The following GTF3C1 variants were observed in gnomAD, a reference collection of about 807,000 sequenced individuals.
GTF3C1 encodes the protein general transcription factor IIIC subunit 1.
In GTF3C1, 57 loss-of-function variants were observed where a neutral mutation model predicts 226.7. The observed-to-expected ratio is 0.25, with a 90% CI of 0.20 to 0.31. The LOEUF is 0.31. GTF3C1 is among the 10% of genes least tolerant of loss of function. The pLI is 1.00. For synonymous variants in GTF3C1, 1,090 were observed against 1,084.8 expected, an observed-to-expected ratio of 1.00 and a Z score of -0.09; for missense variants, 2,217 against 2,776.1, an observed-to-expected ratio of 0.80 and a Z score of 4.53.
rs982432019 is a variant in GTF3C1, at chr16:27,471,594, G to T, written c.4526+154C>A. ...TCCCCATACCACGAAGGAGGTAAGG[G>T]GCTGCAGGAAACCCAAGCCGGCATC... On this transcript the variant is annotated intron_variant, in intron 30 of 36. Coordinates refer to ENST00000356183, the MANE Select transcript of GTF3C1 (RefSeq NM_001520.4). This position sits in a 1 kb window ranked among gnomAD's most constrained non-coding sequence, Gnocchi z 5.0. 2 of 635,754 alleles carry T rather than the reference G, an allele frequency of 3.1e-6. No homozygotes were observed. Among genetic ancestry groups the T allele is most frequent in the Non-Finnish European group, 5.6e-6 (2 of 356,142 alleles). The allele number at this position is 635,754 out of a possible 1,614,324, so 39.4% of individuals were successfully genotyped here.
chr16:27,497,524 G>A (rs776295939), intron 14 of GTF3C1, 113 bp downstream of exon 14: 7 of 804,814 alleles, frequency 8.7e-6, no homozygotes, highest in Non-Finnish European at 1.4e-5. Flanking sequence ...GCTCAGACGC[G>A]ATTCTTCTGA....
chr16:27,494,934 C>T (rs2088293418), intron 15 of GTF3C1, 26 bp from the exon 16 acceptor site: 8 of 1,606,324 alleles, frequency 5.0e-6, no homozygotes, highest in Non-Finnish European at 6.0e-6. Flanking sequence ...ACGGTTACCC[C>T]CGGCAGCCAG....
intron 6 of GTF3C1, among the ~76,000 whole-genome samples, chr16:27,512,431 T>C (rs2088588022): frequency 6.6e-6 from 1 of 152,130 alleles, no homozygotes; most frequent in South Asian, 2.1e-4. Context: ...TGATTCCAAG[T>C]GTAAATATTT....
intron 20 of GTF3C1, among the ~76,000 whole-genome samples, 164 bp from the exon 21 acceptor site, chr16:27,489,342 G>A (rs1331214097): frequency 1.3e-5 from 2 of 152,190 alleles, no homozygotes; most frequent in African/African-American, 4.8e-5. Context: ...AGTGTTGACT[G>A]GTTTTCACTT....
At chr16:27,476,299 A>AT (rs1655404425) in intron 29 of GTF3C1, 152 bp downstream of exon 29, 3 of 586,394 alleles carry the variant, frequency 5.1e-6, no homozygotes, top group Non-Finnish European at 9.1e-6. Context: ...TAAAACAACG[A>AT]TAAAAAAATA....
rs148691023 is a variant in GTF3C1 at position 27,540,848 on chromosome 16, T to C, written c.432-2492A>G. 2.1e-3 allele frequency among the ~76,000 whole-genome samples: 317 copies of C among 152,250 alleles called. 3 individuals carry two copies. The highest frequency in any genetic ancestry group is 7.1e-3 in the African/African-American group (297 of 41,550). ...AACCCCTCAAGGAGATGACTCTTTT[T>C]TTCTTTTTTTTTTGAGACAAAGTTT... On this transcript the variant is annotated intron_variant, in intron 2 of 36. Transcript: ENST00000356183.
rs1429132694 is a variant in GTF3C1 at position 27,471,734 on chromosome 16, T to C, written c.4526+14A>G. 6.3e-7 allele frequency: 1 copy of C among 1,597,422 alleles called. No individual in the cohort carries two copies. Among genetic ancestry groups the C allele is most frequent in the Non-Finnish European group, 8.6e-7 (1 of 1,164,972 alleles). ...TCCACCTCGGAGTACCCAAGGCTCCTGACAGGTACTCACCTGTAGTAGGTC... is the reference window on the plus strand; with the variant it reads ...TCCACCTCGGAGTACCCAAGGCTCCCGACAGGTACTCACCTGTAGTAGGTC... On this transcript the variant is annotated intron_variant, in intron 30 of 36. Transcript: ENST00000356183. This position sits in a 1 kb window ranked among gnomAD's most constrained non-coding sequence, Gnocchi z 5.0.
At chr16:27,543,172 G>T (rs2089113344) in intron 2 of GTF3C1, among the ~76,000 whole-genome samples, 1 of 152,174 alleles carries the variant, frequency 6.6e-6, no homozygotes, top group African/African-American at 2.4e-5. Context: ...GATCACCTGA[G>T]GTCAGGTGTT....
intron 33 of GTF3C1, 145 bp downstream of exon 33, chr16:27,465,115 G>C (rs1294799918): frequency 1.3e-6 from 1 of 754,990 alleles, no homozygotes; most frequent in African/African-American, 1.7e-5. Context: ...AAATGCCCCA[G>C]TTTTCAAGTG....
chr16:27,464,167 C>G (rs758117808), intron 34 of GTF3C1, 153 bp downstream of exon 34: 20 of 483,170 alleles, frequency 4.1e-5, no homozygotes, highest in African/African-American at 3.6e-4. Context: ...TATCCTCCCC[C>G]TCAGGGCTCA....
rs765494833 is a variant in GTF3C1, at chr16:27,461,483, A to G, written c.6197T>C (p.Val2066Ala). ...GCTGGAGGGCACTTCCACCTCTTCC[A>G]CCACGGGTGTAGAGAAGAGCGAGAC... The part of the protein sequence containing the change: ...RPVSLFSTPV[V>A]EEVEVPSSLD... Residue 2066 changes from valine (V) to alanine (A), a missense_variant, in exon 37 of 37, where the codon GTG (valine) becomes GCG (alanine). Around this residue, in one of 12 missense-constraint regions of GTF3C1, gnomAD observed 153 missense variants for 199.8 expected, o/e 0.77. Coordinates refer to ENST00000356183, the MANE Select transcript of GTF3C1 (RefSeq NM_001520.4). The surrounding 1 kb of genome is among the most constrained non-coding windows in gnomAD (Gnocchi z 5.3). The G allele has an allele frequency of 6.2e-7, 1 of 1,613,800 alleles. No individual in the cohort carries two copies. The highest frequency in any genetic ancestry group is 2.2e-5 in the East Asian group (1 of 44,870).
Position 27,461,618 on chromosome 16 carries a change from T to C in GTF3C1, c.6118-56A>G, listed in dbSNP as rs1287777564. The stretch of plus-strand genomic sequence containing the variant: ...GCACTGCCCTCGCCTGCTTGTTGAT[T>C]TATTCTTCAAGCATTTATGGAATGC... On this transcript the variant is annotated intron_variant, in intron 36 of 36. Transcript: ENST00000356183. This position sits in a 1 kb window ranked among gnomAD's most constrained non-coding sequence, Gnocchi z 5.3. 1 of 1,332,880 alleles carries C rather than the reference T, an allele frequency of 7.5e-7. No individual in the cohort carries two copies. Among genetic ancestry groups the C allele is most frequent in the East Asian group, 2.3e-5 (1 of 43,416 alleles). 82.6% of individuals were successfully genotyped at this position (1,332,880 alleles called of 1,614,324 possible). A position where few individuals can be genotyped will look rare whatever the true frequency, so the allele number is the denominator to read the frequency against.
rs1417069856 is a variant in GTF3C1 at position 27,498,853 on chromosome 16, C to T, written c.2062-120G>A. The T allele has an allele frequency of 2.6e-5, 18 of 681,174 alleles. 1 individual carries two copies. The highest frequency in any genetic ancestry group is 5.1e-4 in the Middle Eastern group (2 of 3,894). The allele number at this position is 681,174 out of a possible 1,614,324, so 42.2% of individuals were successfully genotyped here. ...TGTTTTCATTAACATTTCCAAAACA[C>T]GATTAGGAGATCGAAACAAAATTTG... On this transcript the variant is annotated intron_variant, in intron 12 of 36. Coordinates refer to ENST00000356183, the MANE Select transcript of GTF3C1 (RefSeq NM_001520.4).
intron 5 of GTF3C1, among the ~76,000 whole-genome samples, chr16:27,533,025 G>A (rs1033317404): frequency 6.6e-5 from 10 of 152,080 alleles, no homozygotes; most frequent in African/African-American, 2.2e-4. Flanking sequence ...CCAGCTACTC[G>A]GGAGGCTGAG....
At position 27,468,662 on chromosome 16, in the gene GTF3C1, G is replaced by A. The variant is rs186814919; in HGVS notation, c.5074+629C>T. On this transcript the variant is annotated intron_variant, in intron 32 of 36. Coordinates refer to ENST00000356183, the MANE Select transcript of GTF3C1 (RefSeq NM_001520.4). Reference sequence around the variant, plus strand: ...CTGTAATCCCATCACTTTGGGAGGCGGAGGTGGGAAAATCACTTAAGGCCA... The same window carrying A: ...CTGTAATCCCATCACTTTGGGAGGCAGAGGTGGGAAAATCACTTAAGGCCA... 4.4e-4 allele frequency among the ~76,000 whole-genome samples: 67 copies of A among 152,146 alleles called. 1 individual carries two copies. Among genetic ancestry groups the A allele is most frequent in the African/African-American group, 1.4e-3 (60 of 41,504 alleles).
At position 27,507,597 on chromosome 16, in the gene GTF3C1, C is replaced by T. The variant is rs1182671707; in HGVS notation, c.1243-441G>A. On this transcript the variant is annotated intron_variant, in intron 8 of 36. Transcript: ENST00000356183. This position sits in a 1 kb window ranked among gnomAD's most constrained non-coding sequence, Gnocchi z 4.9. ...GTCGACTGGGCATCAGTGATCCACA[C>T]CCATTTTAACGTCTAGAACAGGGCA... Among the ~76,000 whole-genome samples the T allele has an allele frequency of 6.6e-6, 1 of 152,234 alleles. No individual in the cohort carries two copies. The highest frequency in any genetic ancestry group is 2.4e-5 in the African/African-American group (1 of 41,466).
intron 6 of GTF3C1, among the ~76,000 whole-genome samples, chr16:27,515,867 C>T (rs146603052): frequency 1.3e-5 from 2 of 152,352 alleles, no homozygotes; most frequent in African/African-American, 4.8e-5. Flanking sequence ...AGGCACCATG[C>T]CAAGGGCGGT....
chr16:27,462,417 T>C lies in GTF3C1; in HGVS notation c.5994A>G (p.Val1998=). 9 of 1,613,064 alleles carry C rather than the reference T, an allele frequency of 5.6e-6. No homozygotes were observed. The highest frequency in any genetic ancestry group is 1.1e-5 in the South Asian group (1 of 90,938). ...RVVDGHLNLP[V]CKGMMEAMLY... Reference sequence around the variant, plus strand: ...GCATGGCCTCCATCATACCCTTGCATACAGGAAGGTTCAGGTGGCCATCCA... The same window carrying C: ...GCATGGCCTCCATCATACCCTTGCACACAGGAAGGTTCAGGTGGCCATCCA... The change falls in exon 36 of 37, where the codon GTA becomes GTG. Residue 1998 remains valine, a synonymous_variant. Coordinates refer to ENST00000356183, the MANE Select transcript of GTF3C1 (RefSeq NM_001520.4). The surrounding 1 kb of genome is among the most constrained non-coding windows in gnomAD (Gnocchi z 4.5).
At chr16:27,514,787 A>C (rs987177655) in intron 6 of GTF3C1, among the ~76,000 whole-genome samples, 3 of 152,216 alleles carry the variant, frequency 2.0e-5, no homozygotes, top group Non-Finnish European at 4.4e-5. Context: ...CCCCTTTGCT[A>C]GTGAGAAGGT....
Sources: gnomAD v4.1 joint callset for allele counts (sites outside exome capture counted in the v4.1 genomes callset) on GRCh38, gnomAD v4.1.1 for gene constraint, gnomAD v4.1.1 regional missense constraint, Gnocchi (gnomAD v3.1) non-coding constraint, MANE v1.5 for transcripts, NCBI Gene and HGNC (gene_info 2026-07-23, HGNC 2026-07-21) for gene names.